PTPRE: variants seen among roughly 807,000 people sequenced by gnomAD.
PTPRE encodes receptor-type tyrosine-protein phosphatase epsilon.
PTPRE carries 51 observed loss-of-function variants against 102.0 expected under a neutral mutation model. The ratio of observed to expected loss-of-function variants is 0.50; its 90% CI spans 0.40 to 0.63. The LOEUF (loss-of-function observed/expected upper bound fraction) is 0.63. Among genes scored for constraint, PTPRE ranks in the 30% least tolerant of loss-of-function variants. The pLI is 0.00. For synonymous variants in PTPRE, 345 were observed against 348.2 expected (o/e 0.99, Z 0.10); for missense variants, 752 against 915.1 (o/e 0.82, Z 2.30).
chr10:127,932,275 A>C (rs1483797562), intron 1 of PTPRE, among the ~76,000 whole-genome samples: 6 of 152,220 alleles, frequency 3.9e-5, no homozygotes, highest in Non-Finnish European at 5.9e-5. Context: ...GCCATGTGTT[A>C]ATTATTGATA....
intron 2 of PTPRE, among the ~76,000 whole-genome samples, chr10:127,996,124 G>A (rs1853239466): frequency 6.6e-6 from 1 of 152,162 alleles, no homozygotes; most frequent in Admixed American, 6.5e-5. Context: ...TTCCCAGTGT[G>A]GACGTGGAGT....
At chr10:127,998,328 A>G (rs1349087767) in intron 2 of PTPRE, 1 of 152,238 alleles carries the variant, frequency 6.6e-6, no homozygotes, top group Non-Finnish European at 1.5e-5. Context: ...AGGCTGAAGT[A>G]GCAAGGGCAT....
chr10:128,012,586 A>G (rs1007270300), intron 2 of PTPRE, among the ~76,000 whole-genome samples: 1 of 152,196 alleles, frequency 6.6e-6, no homozygotes, highest in Admixed American at 6.5e-5. Flanking sequence ...TGCTCAGCTC[A>G]GGAGTCATTA....
intron 2 of PTPRE, among the ~76,000 whole-genome samples, chr10:128,015,960 G>A (rs1845389905): frequency 6.6e-6 from 1 of 152,200 alleles, no homozygotes; most frequent in Non-Finnish European, 1.5e-5. Context: ...GAAGCTTTAG[G>A]ACACGAGCTG....
At chr10:127,968,489 G>A (rs544072150) in intron 1 of PTPRE, among the ~76,000 whole-genome samples, 5 of 152,314 alleles carry the variant, frequency 3.3e-5, no homozygotes, top group African/African-American at 9.6e-5. Context: ...AATGTCCTGG[G>A]AGCAGTCAGC....
intron 1 of PTPRE, among the ~76,000 whole-genome samples, chr10:127,924,350 CGAGTAGCT>C (rs1846851097): frequency 6.6e-6 from 1 of 152,230 alleles, no homozygotes; most frequent in East Asian, 1.9e-4. Context: ...CTCAGCCTCT[CGAGTAGCT>C]GGGACTACAG....
At chr10:128,024,810 A>T (rs1846172672) in intron 2 of PTPRE, among the ~76,000 whole-genome samples, 1 of 152,164 alleles carries the variant, frequency 6.6e-6, no homozygotes, top group Non-Finnish European at 1.5e-5. Context: ...TTATTTGATA[A>T]AATAAAGTTT....
Position 128,052,424 on chromosome 10 carries a change from C to T in PTPRE, c.420+2758C>T, listed in dbSNP as rs150123929. Among the ~76,000 whole-genome samples, 829 of 152,264 alleles carry T rather than the reference C, an allele frequency of 5.4e-3. 7 individuals are homozygous for T. Among genetic ancestry groups the T allele is most frequent in the Middle Eastern group, 0.034 (10 of 294 alleles). On this transcript the variant is annotated intron_variant, in intron 6 of 20. Transcript: ENST00000254667. ...CTGGAGTCGGCCTGAGTGTTTGTCC[C>T]GGCTCAGAGAGCTTGGGCAATTAAC...
At chr10:127,917,180 A>T (rs1846268545) in intron 1 of PTPRE, among the ~76,000 whole-genome samples, 1 of 151,566 alleles carries the variant, frequency 6.6e-6, no homozygotes, top group Non-Finnish European at 1.5e-5. Flanking sequence ...TCCGGACCAG[A>T]CACAGGCTTA....
chr10:128,040,958 C>A lies in PTPRE; in HGVS notation c.77C>A (p.Thr26Asn). The part of the protein sequence containing the change: ...LARALRGNET[T>N]ADSNETTTTS... The stretch of plus-strand genomic sequence containing the variant: ...AGGGCTCTCAGGGGCAACGAGACCA[C>A]TGCCGACAGCAACGAGACAACCACG... The change falls in exon 3 of 21, where the codon ACT becomes AAT. Residue 26 changes from threonine to asparagine, a missense_variant. Transcript: ENST00000254667. 1 of 1,614,138 alleles carries A rather than the reference C, an allele frequency of 6.2e-7. No individual in the cohort carries two copies. The highest frequency in any genetic ancestry group is 8.5e-7 in the Non-Finnish European group (1 of 1,180,028).
intron 17 of PTPRE, among the ~76,000 whole-genome samples, chr10:128,074,784 C>G (rs1851087786): frequency 6.6e-6 from 1 of 152,022 alleles, no homozygotes; most frequent in Non-Finnish European, 1.5e-5. Flanking sequence ...ATTGCTAGGT[C>G]ACGTCATAAC....
chr10:127,922,805 A>T (rs917869113), intron 1 of PTPRE, among the ~76,000 whole-genome samples: 2 of 152,218 alleles, frequency 1.3e-5, no homozygotes, highest in African/African-American at 2.4e-5. Context: ...ATTTCTGCCC[A>T]GGTTCCTTTC....
At chr10:128,037,344 C>T (rs1847303342) in intron 2 of PTPRE, among the ~76,000 whole-genome samples, 1 of 152,244 alleles carries the variant, frequency 6.6e-6, no homozygotes, top group Non-Finnish European at 1.5e-5. Context: ...CTGAATGACT[C>T]ACTCACTGCA....
chr10:128,055,462 G>A (rs1848872378), intron 6 of PTPRE, among the ~76,000 whole-genome samples: 1 of 152,174 alleles, frequency 6.6e-6, no homozygotes, highest in African/African-American at 2.4e-5. Flanking sequence ...GCTTCCCAAA[G>A]ACGTGTGCAC....
At chr10:127,994,745 G>A (rs757468389) in intron 2 of PTPRE, among the ~76,000 whole-genome samples, 3 of 152,152 alleles carry the variant, frequency 2.0e-5, no homozygotes, top group Admixed American at 6.5e-5. Flanking sequence ...CATGCAGCCC[G>A]ATGTCGCAGG....
intron 7 of PTPRE, among the ~76,000 whole-genome samples, chr10:128,060,288 C>T (rs570114996): frequency 1.3e-5 from 2 of 152,142 alleles, no homozygotes; most frequent in South Asian, 4.2e-4. Flanking sequence ...ACTCACTACA[C>T]ACACACCCCA....
At chr10:127,916,522 G>C (rs1382233756) in intron 1 of PTPRE, among the ~76,000 whole-genome samples, 1 of 152,154 alleles carries the variant, frequency 6.6e-6, no homozygotes, top group Non-Finnish European at 1.5e-5. Flanking sequence ...CTTTATAGCA[G>C]TATGAAAACA....
At chr10:128,071,729 C>T (rs1382818808) in intron 15 of PTPRE, 2 of 170,352 alleles carry the variant, frequency 1.2e-5, no homozygotes, top group Non-Finnish European at 2.5e-5. Context: ...CAGGGTCTCC[C>T]CGAGCACTGC....
intron 1 of PTPRE, among the ~76,000 whole-genome samples, chr10:127,920,674 G>T (rs1733326626): frequency 6.6e-6 from 1 of 152,160 alleles, no homozygotes; most frequent in African/African-American, 2.4e-5. Context: ...ACACTGGCGG[G>T]GCTGAAGGGA....
Sources: gnomAD v4.1 joint callset for allele counts (sites outside exome capture counted in the v4.1 genomes callset) on GRCh38, gnomAD v4.1.1 for gene constraint, MANE v1.5 for transcripts, NCBI Gene and HGNC (gene_info 2026-07-23, HGNC 2026-07-21) for gene names.